Variants in EPHA3 observed in about 807,000 individuals in gnomAD.
The protein encoded by EPHA3 is EPH receptor A3, also known as ephrin type-A receptor 3.
EPHA3 carries 42 observed loss-of-function variants against 107.1 expected under a neutral mutation model. That is an observed-to-expected ratio of 0.39 (90% confidence interval 0.31 to 0.51). The LOEUF (loss-of-function observed/expected upper bound fraction) is 0.51, where lower values mean the gene tolerates loss of function less well. Ranked by LOEUF, EPHA3 falls within the 20% of genes least tolerant of loss-of-function variation. EPHA3 has a pLI of 0.78. For missense variants in EPHA3, 1,183 were observed against 1,211.2 expected (o/e 0.98, Z 0.35); for synonymous variants, 461 against 424.8 (o/e 1.09, Z -1.05).
intron 13 of EPHA3, among the ~76,000 whole-genome samples, chr3:89,436,720 AACTT>A (rs1047485958): frequency 1.3e-5 from 2 of 152,212 alleles, no homozygotes; most frequent in African/African-American, 4.8e-5. Flanking sequence ...CTAAGCTCAA[AACTT>A]AATTTATCAG....
At chr3:89,187,589 G>A (rs965665645) in intron 2 of EPHA3, among the ~76,000 whole-genome samples, 2 of 151,890 alleles carry the variant, frequency 1.3e-5, no homozygotes, top group African/African-American at 4.8e-5. Context: ...ATGAATTTGA[G>A]CTGATGAATA....
intron 1 of EPHA3, among the ~76,000 whole-genome samples, chr3:89,123,928 G>C (rs1704028618): frequency 6.6e-6 from 1 of 152,166 alleles, no homozygotes; most frequent in Non-Finnish European, 1.5e-5. Context: ...AATCTGGGAA[G>C]GGGTAACTTA....
intron 1 of EPHA3, among the ~76,000 whole-genome samples, chr3:89,122,975 G>T (rs1452031806): frequency 2.6e-5 from 4 of 152,156 alleles, no homozygotes; most frequent in Non-Finnish European, 5.9e-5. Context: ...GGATAGGAAA[G>T]GAAGAGAGAG....
At chr3:89,110,908 G>T (rs1362436157) in intron 1 of EPHA3, among the ~76,000 whole-genome samples, 3 of 151,862 alleles carry the variant, frequency 2.0e-5, no homozygotes, top group African/African-American at 7.3e-5. Context: ...GCAGTCTGGG[G>T]TACAATGCAC....
chr3:89,242,197 G>C (rs1704912332), intron 3 of EPHA3, among the ~76,000 whole-genome samples: 1 of 152,180 alleles, frequency 6.6e-6, no homozygotes, highest in African/African-American at 2.4e-5. Flanking sequence ...GAGTTTTAAA[G>C]TGATTCAAGT....
chr3:89,248,316 G>T (rs6791217), intron 3 of EPHA3, among the ~76,000 whole-genome samples: 36,650 of 151,982 alleles, frequency 0.24, 4,844 homozygotes, highest in African/African-American at 0.37. Context: ...TGCAGCAAGT[G>T]CTCTGTTGAT....
chr3:89,314,471 G>A (rs1368057749), intron 3 of EPHA3, among the ~76,000 whole-genome samples: 8 of 151,758 alleles, frequency 5.3e-5, no homozygotes. Flanking sequence ...ATTAATCAAA[G>A]ATCCAAAGCA....
At position 89,242,797 on chromosome 3, in the gene EPHA3, A is replaced by G. The variant is rs527968896; in HGVS notation, c.814+32277A>G. On this transcript the variant is annotated intron_variant, in intron 3 of 16. Transcript: ENST00000336596. ...ACTTTAAGTTTTAGGGTACATGTGC[A>G]CAACGTGCAGGTTAGTTACATATGT... Among the ~76,000 whole-genome samples, 8 of 151,888 alleles carry G rather than the reference A, an allele frequency of 5.3e-5. No individual in the cohort carries two copies. In the East Asian group the frequency reaches 1.5e-3, roughly 29 times the overall value.
chr3:89,440,339 T>C (rs1429136662), intron 13 of EPHA3, among the ~76,000 whole-genome samples: 1 of 152,218 alleles, frequency 6.6e-6, no homozygotes, highest in Non-Finnish European at 1.5e-5. Context: ...TTTGTCACTC[T>C]AAATATGACC....
Position 89,399,401 on chromosome 3 carries a change from C to T in EPHA3, c.1515C>T (p.Tyr505=), listed in dbSNP as rs1708912336. The change falls in exon 7 of 17, where the codon TAC becomes TAT. Residue 505 remains tyrosine, a synonymous_variant. Coordinates refer to ENST00000336596, the MANE Select transcript of EPHA3 (RefSeq NM_005233.6). ...TISSLKPDTI[Y]VFQIRARTAA... is the part of the protein sequence containing the mutation. Reference sequence around the variant, plus strand: ...GTAGCCTCAAGCCTGACACTATATACGTATTCCAAATCCGAGCCCGAACAG... The same window carrying T: ...GTAGCCTCAAGCCTGACACTATATATGTATTCCAAATCCGAGCCCGAACAG... The T allele has an allele frequency of 1.9e-6, 3 of 1,614,066 alleles. No homozygotes were observed. Among genetic ancestry groups the T allele is most frequent in the East Asian group, 4.5e-5 (2 of 44,860 alleles).
Position 89,153,141 on chromosome 3 carries a change from A to T in EPHA3, c.153+25868A>T, listed in dbSNP as rs192739442. 1.2e-4 allele frequency among the ~76,000 whole-genome samples: 18 copies of T among 152,268 alleles called. No individual in the cohort carries two copies. In the East Asian group the frequency reaches 3.5e-3, roughly 29 times the overall value. On this transcript the variant is annotated intron_variant, in intron 2 of 16. Transcript: ENST00000336596. ...AAAGCCACAGATGTTTGGAAAATGA[A>T]GAGTTCCATTGTGAATTGACATGGG...
At chr3:89,235,633 A>T (rs1195879330) in intron 3 of EPHA3, among the ~76,000 whole-genome samples, 4 of 151,950 alleles carry the variant, frequency 2.6e-5, no homozygotes, top group Admixed American at 6.6e-5. Flanking sequence ...AAAAGAGTAT[A>T]TTTTCAATAT....
intron 3 of EPHA3, among the ~76,000 whole-genome samples, chr3:89,266,868 C>T (rs1309276938): frequency 6.6e-6 from 1 of 151,880 alleles, no homozygotes; most frequent in Non-Finnish European, 1.5e-5. Context: ...TTCTCAAAAC[C>T]CATTTTAACG....
intron 1 of EPHA3, among the ~76,000 whole-genome samples, chr3:89,123,584 T>G (rs2106965562): frequency 6.6e-6 from 1 of 152,316 alleles, no homozygotes; most frequent in Admixed American, 6.5e-5. Flanking sequence ...TGCCTTCCCC[T>G]TCTTATGAAT....
chr3:89,151,254 C>T (rs548296642), intron 2 of EPHA3, among the ~76,000 whole-genome samples: 2 of 152,134 alleles, frequency 1.3e-5, no homozygotes, highest in East Asian at 1.9e-4. Context: ...GATTTTTATT[C>T]AGACATTCAG....
At chr3:89,249,241 AT>A (rs891319433) in intron 3 of EPHA3, among the ~76,000 whole-genome samples, 1 of 152,074 alleles carries the variant, frequency 6.6e-6, no homozygotes, top group Non-Finnish European at 1.5e-5. Flanking sequence ...CTTCCTCATT[AT>A]TTTATAAGAG....
At chr3:89,310,053 C>T (rs1706727285) in intron 3 of EPHA3, among the ~76,000 whole-genome samples, 1 of 152,030 alleles carries the variant, frequency 6.6e-6, no homozygotes, top group East Asian at 1.9e-4. Context: ...GGGTGAGCTC[C>T]ACATGCCTTT....
intron 1 of EPHA3, among the ~76,000 whole-genome samples, chr3:89,118,730 C>G (rs1222927475): frequency 6.6e-6 from 1 of 151,670 alleles, no homozygotes; most frequent in Non-Finnish European, 1.5e-5. Flanking sequence ...ATTTACCAAA[C>G]AGTACTTATC....
intron 3 of EPHA3, among the ~76,000 whole-genome samples, chr3:89,268,174 A>T (rs1423028017): frequency 1.3e-5 from 2 of 152,126 alleles, no homozygotes; most frequent in Non-Finnish European, 2.9e-5. Flanking sequence ...TGCCAAAAGA[A>T]ACAATTCACT....
Sources: gnomAD v4.1 joint callset for allele counts (sites outside exome capture counted in the v4.1 genomes callset) on GRCh38, gnomAD v4.1.1 for gene constraint, MANE v1.5 for transcripts, NCBI Gene and HGNC (gene_info 2026-07-23, HGNC 2026-07-21) for gene names.